GTF3C4: variants seen among roughly 807,000 people sequenced by gnomAD.
GTF3C4 encodes general transcription factor 3C polypeptide 4.
A neutral mutation model predicts 67.5 loss-of-function variants in GTF3C4; 28 were observed. The observed-to-expected ratio is 0.41, with a 90% CI of 0.31 to 0.57. The LOEUF is 0.57. GTF3C4 is among the 20% of genes least tolerant of loss of function. GTF3C4 has a pLI of 0.21. For missense variants in GTF3C4, 831 were observed against 1,033.2 expected (o/e 0.80, Z 2.68); for synonymous variants, 409 against 393.0 (o/e 1.04, Z -0.48).
At chr9:132,681,566 C>T (rs573543943) in intron 2 of GTF3C4, among the ~76,000 whole-genome samples, 1 of 152,116 alleles carries the variant, frequency 6.6e-6, no homozygotes, top group Non-Finnish European at 1.5e-5. Context: ...ATCACTCCCC[C>T]CCGAACATTT....
intron 4 of GTF3C4, among the ~76,000 whole-genome samples, chr9:132,687,975 C>G (rs559819107): frequency 1.3e-5 from 2 of 152,196 alleles, no homozygotes; most frequent in Admixed American, 1.3e-4. Context: ...GGGGAATATT[C>G]TATTCTCAGC....
chr9:132,683,783 C>A, intron 3 of GTF3C4, 90 bp downstream of exon 3: 1 of 1,245,498 alleles, frequency 8.0e-7, no homozygotes, highest in Admixed American at 2.6e-5. Context: ...AACTTTATGC[C>A]AGTTATCTGT....
chr9:132,670,093 G>A (rs1316500915), upstream of GTF3C4: 2 of 1,562,376 alleles, frequency 1.3e-6, no homozygotes, highest in Non-Finnish European at 1.7e-6. Context: ...GCCGGGGACG[G>A]CGGCACCGGG....
At position 132,690,325 on chromosome 9, in the gene GTF3C4, TCTC is replaced by T. The variant is rs1836096426; in HGVS notation, c.*1381_*1383del. 1 of 152,164 alleles carries T rather than the reference TCTC, an allele frequency of 6.6e-6. No individual in the cohort carries two copies. Among genetic ancestry groups the T allele is most frequent in the Non-Finnish European group, 1.5e-5 (1 of 68,078 alleles). 9.4% of individuals were successfully genotyped at this position (152,164 alleles called of 1,614,324 possible). A position where few individuals can be genotyped will look rare whatever the true frequency, so the allele number is the denominator to read the frequency against. ...CTGGCATGGTGGCGCATGCCTGTAA[TCTC>T]AGTTACTCAGGAGGCTGAGGCAGGA... On this transcript the variant is annotated 3_prime_UTR_variant, in exon 5 of 5. Transcript: ENST00000372146.
At chr9:132,670,398 T>C (rs1018837417), upstream of GTF3C4, 21 of 1,121,184 alleles carry the variant, frequency 1.9e-5, no homozygotes, top group Non-Finnish European at 2.4e-5. Flanking sequence ...TCGCTGTCCT[T>C]TTTCTGGACA....
chr9:132,672,233 T>C (rs2583794), intron 1 of GTF3C4, among the ~76,000 whole-genome samples: 150,586 of 152,356 alleles, frequency 0.99, 74,429 homozygotes, highest in Middle Eastern at 1. Flanking sequence ...TGTAAAGGAA[T>C]TTAACTGTTT....
In GTF3C4 at chr9:132,670,797, C is replaced by T. The variant is rs936931407; in HGVS notation, c.199C>T (p.Leu67=). 2 of 1,598,650 alleles carry T rather than the reference C, an allele frequency of 1.3e-6. No individual in the cohort carries two copies. The highest frequency in any genetic ancestry group is 1.3e-5 in the African/African-American group (1 of 74,824). ...AVKLQYAVSG[L]EPLAWSEDHR... ...GAAGCTGCAGTATGCGGTGAGCGGC[C>T]TGGAACCGCTGGCTTGGTCCGAGGA... The change falls in exon 1 of 5, where the codon CTG becomes TTG. Residue 67 remains leucine (L), a synonymous_variant. Transcript: ENST00000372146.
intron 1 of GTF3C4, among the ~76,000 whole-genome samples, chr9:132,675,896 T>A (rs1219626413): frequency 2.3e-4 from 1 of 4,260 alleles, no homozygotes; most frequent in Non-Finnish European, 5.0e-4. Flanking sequence ...CCAGTTACCC[T>A]TTTTTTTTTT....
At chr9:132,688,105 T>C (rs1379851554) in intron 4 of GTF3C4, among the ~76,000 whole-genome samples, 1 of 152,248 alleles carries the variant, frequency 6.6e-6, no homozygotes, top group Non-Finnish European at 1.5e-5. Context: ...TTGTAGCTTT[T>C]TATTAGGGAA....
At chr9:132,685,225 TG>T in intron 3 of GTF3C4, among the ~76,000 whole-genome samples, 1 of 151,924 alleles carries the variant, frequency 6.6e-6, no homozygotes, top group South Asian at 2.1e-4. Context: ...TTCACCATGT[TG>T]ACCAGGCTGG....
chr9:132,681,780 C>T (rs1273471937), intron 2 of GTF3C4, among the ~76,000 whole-genome samples: 1 of 151,940 alleles, frequency 6.6e-6, no homozygotes, highest in South Asian at 2.1e-4. Context: ...TTCAGCTTGC[C>T]GAGATCAGGG....
Position 132,691,126 on chromosome 9 carries a change from C to G in GTF3C4, c.*2181C>G, listed in dbSNP as rs1836109241. On this transcript the variant is annotated 3_prime_UTR_variant, in exon 5 of 5. Transcript: ENST00000372146. ...CTAAAATCTAGCCACCACCTGCCTC[C>G]CCCAGGTTTCCACACACCCAGTTGG... The G allele has an allele frequency of 6.6e-6, 1 of 152,204 alleles. No individual in the cohort carries two copies. The highest frequency in any genetic ancestry group is 2.1e-4 in the South Asian group (1 of 4,826). The allele number at this position is 152,204 out of a possible 1,614,324, so 9.4% of individuals were successfully genotyped here. A position where few individuals can be genotyped will look rare whatever the true frequency, so the allele number is the denominator to read the frequency against.
chr9:132,672,224 G>A (rs1835790653), intron 1 of GTF3C4, among the ~76,000 whole-genome samples: 1 of 152,220 alleles, frequency 6.6e-6, no homozygotes. Context: ...ATCTTCTGCT[G>A]TAAAGGAATT....
chr9:132,681,581 A>T (rs1835945466), intron 2 of GTF3C4, among the ~76,000 whole-genome samples: 1 of 152,198 alleles, frequency 6.6e-6, no homozygotes, highest in Non-Finnish European at 1.5e-5. Context: ...ACATTTTTAG[A>T]CACTTTTTCT....
intron 1 of GTF3C4, among the ~76,000 whole-genome samples, chr9:132,671,905 G>A (rs762384609): frequency 6.6e-6 from 1 of 152,146 alleles, no homozygotes; most frequent in Non-Finnish European, 1.5e-5. Flanking sequence ...ATGTGTATCC[G>A]CACATAGAGA....
chr9:132,682,674 G>A (rs959822621), intron 2 of GTF3C4, among the ~76,000 whole-genome samples: 4 of 137,794 alleles, frequency 2.9e-5, no homozygotes, highest in East Asian at 2.1e-4. Flanking sequence ...GCGCAATCTC[G>A]GCTCACTGCA....
chr9:132,689,013 GAGA>G lies in GTF3C4; in HGVS notation c.*71_*73del. 8.5e-7 allele frequency: 1 copy of G among 1,177,378 alleles called. No homozygotes were observed. The highest frequency in any genetic ancestry group is 1.3e-6 in the Non-Finnish European group (1 of 788,788). The allele number at this position is 1,177,378 out of a possible 1,614,324, so 72.9% of individuals were successfully genotyped here. A position where few individuals can be genotyped will look rare whatever the true frequency, so the allele number is the denominator to read the frequency against. The stretch of plus-strand genomic sequence containing the variant: ...CATAGAAAACTTCCTCCAGCCTGAA[GAGA>G]AGGATGCACTGGAGGAAGCCGGACC... On this transcript the variant is annotated 3_prime_UTR_variant, in exon 5 of 5. Coordinates refer to ENST00000372146, the MANE Select transcript of GTF3C4 (RefSeq NM_012204.4).
At chr9:132,670,050 C>T (rs202062118), upstream of GTF3C4, 602 of 1,564,304 alleles carry the variant, frequency 3.8e-4, 1 homozygote, top group African/African-American at 6.9e-3. Context: ...GGGTCCGGAA[C>T]GGCTCCAGCT....
chr9:132,687,797 T>C (rs1836054189), intron 4 of GTF3C4, among the ~76,000 whole-genome samples: 1 of 152,218 alleles, frequency 6.6e-6, no homozygotes, highest in African/African-American at 2.4e-5. Flanking sequence ...CTGATAGTTC[T>C]AATGTCATCC....
Sources: gnomAD v4.1 joint callset for allele counts (sites outside exome capture counted in the v4.1 genomes callset) on GRCh38, gnomAD v4.1.1 for gene constraint, MANE v1.5 for transcripts, NCBI Gene and HGNC (gene_info 2026-07-23, HGNC 2026-07-21) for gene names.